MAP2K4: variants seen among roughly 807,000 people sequenced by gnomAD.
MAP2K4 encodes the protein mitogen-activated protein kinase kinase 4.
A neutral mutation model predicts 48.5 loss-of-function variants in MAP2K4; 4 were observed. The ratio of observed to expected loss-of-function variants is 0.08; its 90% CI spans 0.04 to 0.19. The LOEUF (loss-of-function observed/expected upper bound fraction) is 0.19. MAP2K4 is among the 10% of genes least tolerant of loss of function. The pLI is 1.00. For missense variants in MAP2K4, 258 were observed against 493.3 expected (o/e 0.52, Z 4.52); for synonymous variants, 166 against 173.1 (o/e 0.96, Z 0.32).
At chr17:12,048,631 ATC>A (rs1464370538) in intron 1 of MAP2K4, among the ~76,000 whole-genome samples, 2 of 151,874 alleles carry the variant, frequency 1.3e-5, no homozygotes, top group Non-Finnish European at 2.9e-5. Context: ...CGAGTCTAAC[ATC>A]TCTTTTTCTT....
At chr17:12,109,080 TA>T (rs1354380784) in intron 5 of MAP2K4, among the ~76,000 whole-genome samples, 1 of 152,136 alleles carries the variant, frequency 6.6e-6, no homozygotes, top group East Asian at 1.9e-4. Flanking sequence ...CTCTCTGTGG[TA>T]AATAGTGTTA....
intron 1 of MAP2K4, among the ~76,000 whole-genome samples, chr17:12,035,674 G>A (rs1969571928): frequency 6.6e-6 from 1 of 152,194 alleles, no homozygotes; most frequent in Non-Finnish European, 1.5e-5. Context: ...ATAAACTTAT[G>A]TTTAATTTAT....
chr17:12,078,933 A>C (rs1348913608), intron 2 of MAP2K4, among the ~76,000 whole-genome samples: 1 of 152,242 alleles, frequency 6.6e-6, no homozygotes, highest in Admixed American at 6.5e-5. Context: ...TCGCTAGCCC[A>C]GTATAAAGAC....
intron 3 of MAP2K4, among the ~76,000 whole-genome samples, chr17:12,088,568 A>AATACATATAATATATAATATATATTAAAT (rs1971456038): frequency 7.5e-6 from 1 of 133,196 alleles, no homozygotes; most frequent in Non-Finnish European, 1.6e-5. Flanking sequence ...ATATATATTA[A>AATACATATAATATATAATATATATTAAAT]ATATATAATA....
chr17:12,080,997 C>T (rs898975613), intron 2 of MAP2K4, among the ~76,000 whole-genome samples: 2 of 152,186 alleles, frequency 1.3e-5, no homozygotes, highest in Non-Finnish European at 2.9e-5. Context: ...TTGGGATTCT[C>T]ACTTGATAAT....
intron 1 of MAP2K4, chr17:12,032,396 G>A: frequency 4.2e-6 from 2 of 477,644 alleles, no homozygotes; most frequent in Non-Finnish European, 6.8e-6. Flanking sequence ...ACCAGCCATG[G>A]CAATTTTACA....
rs145425965 is a variant in MAP2K4, at chr17:12,050,591, T to C, written c.116-4298T>C. The stretch of plus-strand genomic sequence containing the variant: ...TGCAGAGATTCCATAGATTTTGTAT[T>C]GAGTAGTGGACTCTCAACTGCCCGT... On this transcript the variant is annotated intron_variant, in intron 1 of 10. Coordinates refer to ENST00000353533, the MANE Select transcript of MAP2K4 (RefSeq NM_003010.4). Among the ~76,000 whole-genome samples, 829 of 150,286 alleles carry C rather than the reference T, an allele frequency of 5.5e-3. 8 individuals are homozygous for C. Among genetic ancestry groups the C allele is most frequent in the South Asian group, 0.027 (130 of 4,832 alleles).
At chr17:12,091,769 C>G (rs1018968123) in intron 3 of MAP2K4, among the ~76,000 whole-genome samples, 3 of 151,488 alleles carry the variant, frequency 2.0e-5, no homozygotes, top group African/African-American at 7.3e-5. Flanking sequence ...ATTTGGACAC[C>G]AATTAAAAAA....
At chr17:12,042,573 G>A (rs1969824458) in intron 1 of MAP2K4, among the ~76,000 whole-genome samples, 1 of 152,040 alleles carries the variant, frequency 6.6e-6, no homozygotes. Context: ...CTCGGGAGGT[G>A]AAAGCCGCAG....
At chr17:12,049,032 T>C (rs1392287195) in intron 1 of MAP2K4, among the ~76,000 whole-genome samples, 1 of 152,212 alleles carries the variant, frequency 6.6e-6, no homozygotes, top group African/African-American at 2.4e-5. Context: ...GAAAAGAGAA[T>C]GAAAGTAAGT....
At chr17:12,041,554 G>A (rs942347830) in intron 1 of MAP2K4, among the ~76,000 whole-genome samples, 3 of 152,082 alleles carry the variant, frequency 2.0e-5, no homozygotes, top group Admixed American at 6.6e-5. Flanking sequence ...ACTAATTTTT[G>A]TGTCATGAAA....
intron 7 of MAP2K4, among the ~76,000 whole-genome samples, chr17:12,116,315 A>G (rs1384401939): frequency 6.6e-6 from 1 of 152,198 alleles, no homozygotes; most frequent in Non-Finnish European, 1.5e-5. Flanking sequence ...CAGGACTAGA[A>G]GTTGTTCTGG....
intron 7 of MAP2K4, chr17:12,124,955 G>A (rs544594939): frequency 1.9e-5 from 5 of 258,178 alleles, no homozygotes; most frequent in South Asian, 1.0e-4. Flanking sequence ...GATTACGGGC[G>A]TGCGCCACTG....
chr17:12,097,861 A>T, intron 4 of MAP2K4, among the ~76,000 whole-genome samples: 1 of 152,164 alleles, frequency 6.6e-6, no homozygotes, highest in East Asian at 1.9e-4. Flanking sequence ...TTTAAATAAG[A>T]TTTTTGACAG....
intron 7 of MAP2K4, among the ~76,000 whole-genome samples, chr17:12,119,670 C>T (rs1359272278): frequency 6.6e-6 from 1 of 152,232 alleles, no homozygotes; most frequent in African/African-American, 2.4e-5. Context: ...AGAAGTCATT[C>T]TGTCATAAAG....
chr17:12,136,508 C>G (rs749059058), intron 9 of MAP2K4, among the ~76,000 whole-genome samples: 26 of 152,316 alleles, frequency 1.7e-4, no homozygotes, highest in Non-Finnish European at 3.1e-4. Flanking sequence ...ATAATCTGCT[C>G]TGTCTAGTGT....
intron 9 of MAP2K4, among the ~76,000 whole-genome samples, chr17:12,132,237 A>G (rs984829729): frequency 6.6e-6 from 1 of 152,238 alleles, no homozygotes; most frequent in Non-Finnish European, 1.5e-5. Flanking sequence ...TCAAGTTCTG[A>G]CTATATACCC....
chr17:12,054,664 C>T (rs2151526027), intron 1 of MAP2K4, among the ~76,000 whole-genome samples: 1 of 152,062 alleles, frequency 6.6e-6, no homozygotes, highest in East Asian at 1.9e-4. Flanking sequence ...AGCATTCTAT[C>T]TATTGTATCA....
intron 1 of MAP2K4, among the ~76,000 whole-genome samples, chr17:12,038,407 A>G (rs891903202): frequency 1.3e-5 from 2 of 152,208 alleles, no homozygotes; most frequent in Non-Finnish European, 2.9e-5. Context: ...TTAATCAGAA[A>G]GGAAAATCAA....
Sources: gnomAD v4.1 joint callset for allele counts (sites outside exome capture counted in the v4.1 genomes callset) on GRCh38, gnomAD v4.1.1 for gene constraint, MANE v1.5 for transcripts, NCBI Gene and HGNC (gene_info 2026-07-23, HGNC 2026-07-21) for gene names.